The following SASH1 variants were observed in gnomAD, a reference collection of about 807,000 sequenced individuals.
The protein encoded by SASH1 is SAM and SH3 domain containing 1.
Under a neutral mutation model 125.2 loss-of-function variants are expected in SASH1, and 44 were observed. The observed-to-expected ratio is 0.35, with a 90% CI of 0.28 to 0.45. The LOEUF (loss-of-function observed/expected upper bound fraction) is 0.45. Among genes scored for constraint, SASH1 ranks in the 20% least tolerant of loss-of-function variants. The pLI is 1.00. For missense variants in SASH1, 1,426 were observed against 1,614.5 expected (o/e 0.88, Z 2.00); for synonymous variants, 639 against 649.1 (o/e 0.98, Z 0.24).
chr6:148,319,339 T>C (rs1002998508), intron 1 of SASH1, among the ~76,000 whole-genome samples: 1 of 151,056 alleles, frequency 6.6e-6, no homozygotes, highest in African/African-American at 2.4e-5. Flanking sequence ...CCAGCCCCAT[T>C]TATCTTTTTT....
chr6:148,476,274 C>CAAAAAAAA (rs35854127), intron 7 of SASH1, among the ~76,000 whole-genome samples: 4 of 88,106 alleles, frequency 4.5e-5, no homozygotes, highest in Non-Finnish European at 9.2e-5. Context: ...AAAAGGACAC[C>CAAAAAAAA]AAAAAAAAAA....
chr6:148,250,824 A>G, the SASH1 span, among the ~76,000 whole-genome samples: 1 of 152,190 alleles, frequency 6.6e-6, no homozygotes, highest in African/African-American at 2.4e-5. Flanking sequence ...GTGTTTCAGT[A>G]ACTTGGTATG....
intron 1 of SASH1, among the ~76,000 whole-genome samples, chr6:148,328,249 G>A (rs540230691): frequency 1.3e-5 from 2 of 152,208 alleles, no homozygotes; most frequent in African/African-American, 4.8e-5. Flanking sequence ...TTCTTATGTA[G>A]GTTAAAGACC....
At chr6:148,245,541 T>C in the SASH1 span, among the ~76,000 whole-genome samples, 3 of 152,096 alleles carry the variant, frequency 2.0e-5, no homozygotes, top group African/African-American at 7.2e-5. Context: ...TCTCCTGGGG[T>C]TCTTTAGTAA....
intron 1 of SASH1, among the ~76,000 whole-genome samples, chr6:148,351,020 T>C (rs1781706650): frequency 6.6e-6 from 1 of 152,120 alleles, no homozygotes; most frequent in African/African-American, 2.4e-5. Flanking sequence ...TAATTCTTTA[T>C]GAGGAGAGAT....
chr6:148,296,690 T>C (rs1779774458), intron 1 of SASH1, among the ~76,000 whole-genome samples: 2 of 152,240 alleles, frequency 1.3e-5, no homozygotes, highest in South Asian at 4.1e-4. Context: ...TCCCTAAACT[T>C]GTTTATCTAG....
At chr6:148,387,016 T>C (rs1352637897) in intron 1 of SASH1, among the ~76,000 whole-genome samples, 1 of 151,024 alleles carries the variant, frequency 6.6e-6, no homozygotes, top group Non-Finnish European at 1.5e-5. Flanking sequence ...GGGTGCTTGC[T>C]TGCTTTCTCT....
chr6:148,228,462 T>C, the SASH1 span, among the ~76,000 whole-genome samples: 6 of 152,206 alleles, frequency 3.9e-5, no homozygotes, highest in Admixed American at 3.9e-4. Flanking sequence ...TTGTGTGGGA[T>C]GTCTCAAGAG....
At chr6:148,424,018 A>C (rs1775691886) in intron 2 of SASH1, among the ~76,000 whole-genome samples, 1 of 151,978 alleles carries the variant, frequency 6.6e-6, no homozygotes, top group Admixed American at 6.6e-5. Flanking sequence ...AAGAAAAAAA[A>C]AAAAAATCCC....
At chr6:148,358,450 A>C (rs1240538367) in intron 1 of SASH1, among the ~76,000 whole-genome samples, 1 of 152,174 alleles carries the variant, frequency 6.6e-6, no homozygotes, top group African/African-American at 2.4e-5. Context: ...CTACTTAGCA[A>C]AATGAATGAG....
intron 16 of SASH1, among the ~76,000 whole-genome samples, chr6:148,537,138 T>C (rs1781895816): frequency 6.6e-6 from 1 of 152,208 alleles, no homozygotes; most frequent in South Asian, 2.1e-4. Context: ...AAGATTTCCA[T>C]ACACTAGGGA....
chr6:148,301,844 A>C (rs1451005015), intron 1 of SASH1, among the ~76,000 whole-genome samples: 2 of 99,744 alleles, frequency 2.0e-5, no homozygotes, highest in Non-Finnish European at 4.1e-5. Context: ...CAATCCTCCC[A>C]CCTCGGCCTC....
intron 1 of SASH1, among the ~76,000 whole-genome samples, chr6:148,334,994 A>G (rs1781111410): frequency 6.9e-6 from 1 of 144,896 alleles, no homozygotes; most frequent in African/African-American, 2.5e-5. Context: ...AAAAAAGAAA[A>G]GAAAAGAAAA....
intron 1 of SASH1, among the ~76,000 whole-genome samples, chr6:148,377,174 AAAAAAAAAAC>A (rs1252652140): frequency 8.0e-4 from 52 of 64,996 alleles, no homozygotes; most frequent in African/African-American, 2.0e-3. Flanking sequence ...CGTCTCAAAA[AAAAAAAAAAC>A]AAAAAAAAAA....
At chr6:148,380,532 T>A (rs1237882855) in intron 1 of SASH1, among the ~76,000 whole-genome samples, 1 of 152,228 alleles carries the variant, frequency 6.6e-6, no homozygotes, top group African/African-American at 2.4e-5. Flanking sequence ...CCCAATTATC[T>A]GTGCTGCTTT....
the SASH1 span, among the ~76,000 whole-genome samples, chr6:148,212,699 A>G: frequency 6.6e-6 from 1 of 152,208 alleles, no homozygotes; most frequent in Admixed American, 6.5e-5. Context: ...ATCTATTCTC[A>G]AGGGTTTCTG....
intron 1 of SASH1, chr6:148,379,889 A>T (rs554331294): frequency 4.4e-6 from 2 of 456,462 alleles, no homozygotes; most frequent in South Asian, 3.1e-5. Context: ...ATCTTGTTCC[A>T]TCTATATCTG....
chr6:148,380,349 A>G lies in SASH1; in HGVS notation c.157-9785A>G, dbSNP rs144764290. Among the ~76,000 whole-genome samples, 1,046 of 152,354 alleles carry G rather than the reference A, an allele frequency of 6.9e-3. 12 individuals carry two copies. The highest frequency in any genetic ancestry group is 0.024 in the African/African-American group (992 of 41,578). On this transcript the variant is annotated intron_variant, in intron 1 of 19. Transcript: ENST00000367467. Reference sequence around the variant, plus strand: ...GAAATTTCAGATTGTTCTGAGATCAATATTTTCATTTCTAAAATTCTGGTC... The same window carrying G: ...GAAATTTCAGATTGTTCTGAGATCAGTATTTTCATTTCTAAAATTCTGGTC...
the SASH1 span, among the ~76,000 whole-genome samples, chr6:148,235,362 C>G: frequency 6.6e-6 from 1 of 152,128 alleles, no homozygotes; most frequent in African/African-American, 2.4e-5. Flanking sequence ...AATAAAATAT[C>G]TCTAATCAAA....
Sources: gnomAD v4.1 joint callset for allele counts (sites outside exome capture counted in the v4.1 genomes callset) on GRCh38, gnomAD v4.1.1 for gene constraint, MANE v1.5 for transcripts, NCBI Gene and HGNC (gene_info 2026-07-23, HGNC 2026-07-21) for gene names.